NEDD4L: variants seen among roughly 807,000 people sequenced by gnomAD.
NEDD4L encodes NEDD4 like E3 ubiquitin protein ligase.
A neutral mutation model predicts 148.9 loss-of-function variants in NEDD4L; 54 were observed. That is an observed-to-expected ratio of 0.36 (90% CI 0.29 to 0.45). The LOEUF (loss-of-function observed/expected upper bound fraction) is 0.45. Among genes scored for constraint, NEDD4L ranks in the 20% least tolerant of loss-of-function variants. The pLI, the probability that NEDD4L is intolerant of heterozygous loss-of-function variation, is 1.00. For missense variants in NEDD4L, 856 were observed against 1,233.8 expected, an observed-to-expected ratio of 0.69 and a Z score of 4.59; for synonymous variants, 433 against 440.7, an observed-to-expected ratio of 0.98 and a Z score of 0.22.
rs3809967 is a variant in NEDD4L, at chr18:58,220,635, C to T, written c.123-24792C>T. Among the ~76,000 whole-genome samples the T allele has an allele frequency of 6.4e-3, 977 of 152,272 alleles. 23 individuals carry two copies. Among genetic ancestry groups the T allele is most frequent in the East Asian group, 0.062 (319 of 5,184 alleles). ...CAGCTGAGATGCCAGGAACACTTCG[C>T]GAGTGAGCATGCCACCACATTTGAG... is the stretch of plus-strand genomic sequence containing the variant. On this transcript the variant is annotated intron_variant, in intron 2 of 30. Coordinates refer to ENST00000400345, the MANE Select transcript of NEDD4L (RefSeq NM_001144967.3).
At chr18:58,105,342 A>G (rs1049401390) in intron 1 of NEDD4L, among the ~76,000 whole-genome samples, 3 of 152,174 alleles carry the variant, frequency 2.0e-5, no homozygotes, top group African/African-American at 7.2e-5. Flanking sequence ...GCATTTTGAC[A>G]CAGGCCGTGC....
chr18:58,385,674 G>A, intron 26 of NEDD4L, 88 bp downstream of exon 26: 1 of 1,074,846 alleles, frequency 9.3e-7, no homozygotes, highest in South Asian at 1.3e-5. Flanking sequence ...TAGTGTGGTG[G>A]AGCTGATCAG....
At chr18:58,237,190 G>T (rs569343827) in intron 2 of NEDD4L, among the ~76,000 whole-genome samples, 102 of 152,146 alleles carry the variant, frequency 6.7e-4, no homozygotes, top group African/African-American at 2.4e-3. Context: ...CTTTTTGTGG[G>T]CAGGGTCTGT....
rs370305494 is a variant in NEDD4L at position 58,387,359 on chromosome 18, C to T, written c.2488-80C>T. On this transcript the variant is annotated intron_variant, in intron 26 of 30. Transcript: ENST00000400345. ...GAGATTATATTTTTTTCTGGCTAACCAGAAAAGTTTGTTTTTCCTGTGAAA... is the reference window on the plus strand; with the variant it reads ...GAGATTATATTTTTTTCTGGCTAACTAGAAAAGTTTGTTTTTCCTGTGAAA... 47 of 1,440,932 alleles carry T rather than the reference C, an allele frequency of 3.3e-5. No homozygotes were observed. The East Asian group carries it at 8.9e-4, about 27-fold the overall frequency. 89.3% of individuals were successfully genotyped at this position (1,440,932 alleles called of 1,614,324 possible).
intron 5 of NEDD4L, among the ~76,000 whole-genome samples, chr18:58,271,930 T>G (rs149972458): frequency 4.9e-4 from 74 of 152,334 alleles, no homozygotes; most frequent in Admixed American, 1.0e-3. Flanking sequence ...TGTAAAGAAT[T>G]AGTTGCTAAT....
intron 5 of NEDD4L, among the ~76,000 whole-genome samples, chr18:58,253,508 T>C (rs1348989377): frequency 6.6e-6 from 1 of 152,226 alleles, no homozygotes; most frequent in Non-Finnish European, 1.5e-5. Flanking sequence ...GGATGAGAGA[T>C]TCTGCTGAGG....
chr18:58,104,515 C>A (rs1620068), intron 1 of NEDD4L, among the ~76,000 whole-genome samples: 1 of 152,038 alleles, frequency 6.6e-6, no homozygotes, highest in African/African-American at 2.4e-5. Context: ...ATTTTAAAAA[C>A]GTGACATTTC....
chr18:58,299,985 C>A (rs892508058), intron 5 of NEDD4L, among the ~76,000 whole-genome samples: 1 of 152,092 alleles, frequency 6.6e-6, no homozygotes, highest in Non-Finnish European at 1.5e-5. Flanking sequence ...AAGAAAAAAA[C>A]CATAAGAATT....
chr18:58,297,630 C>T (rs1439089596), intron 5 of NEDD4L, among the ~76,000 whole-genome samples: 1 of 152,112 alleles, frequency 6.6e-6, no homozygotes, highest in Admixed American at 6.5e-5. Context: ...TTATTAGGTC[C>T]TGACCCCTGG....
At chr18:58,071,883 C>T (rs937870563) in intron 1 of NEDD4L, among the ~76,000 whole-genome samples, 11 of 152,164 alleles carry the variant, frequency 7.2e-5, no homozygotes, top group Admixed American at 5.9e-4. Flanking sequence ...ACCATGAGAA[C>T]AGTATGGGAG....
At chr18:58,114,027 C>T (rs560218431) in intron 1 of NEDD4L, among the ~76,000 whole-genome samples, 6 of 152,234 alleles carry the variant, frequency 3.9e-5, no homozygotes, top group Middle Eastern at 3.4e-3. Context: ...CACTTTGGCT[C>T]GCTTGTGTTG....
At chr18:58,369,777 A>G (rs1459368818) in intron 22 of NEDD4L, among the ~76,000 whole-genome samples, 2 of 152,068 alleles carry the variant, frequency 1.3e-5, no homozygotes, top group Non-Finnish European at 2.9e-5. Context: ...TGGGAGGCCG[A>G]CCTCGCTGCT....
intron 2 of NEDD4L, among the ~76,000 whole-genome samples, chr18:58,240,597 A>T (rs976430584): frequency 6.6e-6 from 1 of 152,116 alleles, no homozygotes; most frequent in Non-Finnish European, 1.5e-5. Context: ...TGCTACATTC[A>T]GTTGGCCACC....
intron 5 of NEDD4L, among the ~76,000 whole-genome samples, chr18:58,257,589 G>C (rs1274761583): frequency 6.6e-6 from 1 of 152,154 alleles, no homozygotes; most frequent in African/African-American, 2.4e-5. Flanking sequence ...TAAGTACCCT[G>C]TCTCCAGCTG....
chr18:58,106,643 T>C (rs776270776), intron 1 of NEDD4L, among the ~76,000 whole-genome samples: 33 of 152,186 alleles, frequency 2.2e-4, no homozygotes, highest in Non-Finnish European at 1.9e-4. Flanking sequence ...GAAGATTAAA[T>C]GATTTAAAGT....
chr18:58,297,170 C>T (rs904067368), intron 5 of NEDD4L, among the ~76,000 whole-genome samples: 12 of 152,192 alleles, frequency 7.9e-5, no homozygotes, highest in African/African-American at 2.9e-4. Context: ...GAGGACCTTT[C>T]ATTTAATCAC....
rs766696575 is a variant in NEDD4L, at chr18:58,220,124, C to T, written c.123-25303C>T. Among the ~76,000 whole-genome samples, 11 of 152,270 alleles carry T rather than the reference C, an allele frequency of 7.2e-5. 1 individual carries two copies. The South Asian group carries it at 1.2e-3, about 17-fold the overall frequency. On this transcript the variant is annotated intron_variant, in intron 2 of 30. Transcript: ENST00000400345. ...TGTTCCTCTTGTTTTAAGAATTTGA[C>T]TGAAAACGGGCTGGGCACGATGGCT... is the stretch of plus-strand genomic sequence containing the variant.
intron 5 of NEDD4L, among the ~76,000 whole-genome samples, chr18:58,263,573 T>C (rs1184144951): frequency 6.6e-6 from 1 of 151,964 alleles, no homozygotes; most frequent in Non-Finnish European, 1.5e-5. Flanking sequence ...TGGTAGACTT[T>C]TAAAATACAT....
chr18:58,174,868 C>T (rs1416286049), intron 2 of NEDD4L, among the ~76,000 whole-genome samples: 1 of 152,186 alleles, frequency 6.6e-6, no homozygotes, highest in African/African-American at 2.4e-5. Flanking sequence ...TATTGATTTA[C>T]TTTACTTCCA....
Sources: gnomAD v4.1 joint callset for allele counts (sites outside exome capture counted in the v4.1 genomes callset) on GRCh38, gnomAD v4.1.1 for gene constraint, MANE v1.5 for transcripts, NCBI Gene and HGNC (gene_info 2026-07-23, HGNC 2026-07-21) for gene names.